The following MTMR2 variants were observed in gnomAD, a reference collection of about 807,000 sequenced individuals.
MTMR2 encodes phosphatidylinositol-3,5-bisphosphate 3-phosphatase MTMR2.
Under a neutral mutation model 86.9 loss-of-function variants are expected in MTMR2, and 55 were observed. The ratio of observed to expected loss-of-function variants is 0.63; its 90% CI spans 0.51 to 0.79. The LOEUF (loss-of-function observed/expected upper bound fraction) is 0.79, where lower values mean the gene tolerates loss of function less well. Among genes scored for constraint, MTMR2 ranks in the 30% least tolerant of loss-of-function variants. The probability of loss-of-function intolerance (pLI) is 0.00; values close to 1 mark genes in which losing one functional copy is unlikely to be tolerated. For synonymous variants in MTMR2, 241 were observed against 266.8 expected, an observed-to-expected ratio of 0.90 and a Z score of 0.94; for missense variants, 659 against 772.3, an observed-to-expected ratio of 0.85 and a Z score of 1.74.
intron 5 of MTMR2, among the ~76,000 whole-genome samples, chr11:95,861,209 A>G (rs548310610): frequency 6.6e-5 from 10 of 151,430 alleles, no homozygotes; most frequent in Non-Finnish European, 1.3e-4. Context: ...GTGATGATGA[A>G]TATAACATAT....
rs559016061 is a variant in MTMR2 at position 95,920,409 on chromosome 11, G to GT, written c.80+3465dup. 2.7e-3 allele frequency among the ~76,000 whole-genome samples: 417 copies of GT among 151,870 alleles called. 6 individuals are homozygous for GT. Among genetic ancestry groups the GT allele is most frequent in the African/African-American group, 9.7e-3 (402 of 41,400 alleles). ...TGCAACCTTGGCCTCCCAGGTTCAA[G>GT]TAATTCTGGTACCTCAGCCTCCCAA... On this transcript the variant is annotated intron_variant, in intron 1 of 14. Coordinates refer to ENST00000346299, the MANE Select transcript of MTMR2 (RefSeq NM_016156.6).
intron 2 of MTMR2, among the ~76,000 whole-genome samples, chr11:95,873,607 CTCTGA>C (rs964406297): frequency 3.6e-4 from 55 of 151,652 alleles, no homozygotes; most frequent in African/African-American, 1.3e-3. Context: ...TTCAGTTCTG[CTCTGA>C]TCTTAGTTAC....
At chr11:95,908,141 CAA>C (rs1453629650) in intron 1 of MTMR2, among the ~76,000 whole-genome samples, 1 of 151,926 alleles carries the variant, frequency 6.6e-6, no homozygotes, top group Non-Finnish European at 1.5e-5. Flanking sequence ...ACAACTTCAG[CAA>C]AGTTTCAGGA....
At chr11:95,838,817 C>T (rs1863411155) in intron 12 of MTMR2, among the ~76,000 whole-genome samples, 1 of 152,050 alleles carries the variant, frequency 6.6e-6, no homozygotes, top group Non-Finnish European at 1.5e-5. Flanking sequence ...CACTCTCTAA[C>T]CCAAGCCAGG....
At chr11:95,893,723 C>T (rs1451058934) in intron 1 of MTMR2, among the ~76,000 whole-genome samples, 2 of 152,136 alleles carry the variant, frequency 1.3e-5, no homozygotes, top group Admixed American at 1.3e-4. Flanking sequence ...CCATCCTCTT[C>T]TCCCACACAG....
Position 95,888,243 on chromosome 11 carries a change from T to G in MTMR2, c.99A>C (p.Ser33=). Residue 33 remains serine, a synonymous_variant, in exon 2 of 15, where the codon TCA becomes TCC. Coordinates refer to ENST00000346299, the MANE Select transcript of MTMR2 (RefSeq NM_016156.6). The part of the protein sequence containing the change: ...DSLSSASTSH[S]ENSVHTKSAS... ...CTGATTTTGTATGCACTGAATTCTC[T>G]GAATGAGAAGTGGAGGCACTACAAA... 1.9e-6 allele frequency: 3 copies of G among 1,613,370 alleles called. No homozygotes were observed. The highest frequency in any genetic ancestry group is 2.5e-6 in the Non-Finnish European group (3 of 1,179,512).
At chr11:95,837,331 T>C (rs1028836149) in intron 13 of MTMR2, among the ~76,000 whole-genome samples, 1 of 152,084 alleles carries the variant, frequency 6.6e-6, no homozygotes, top group African/African-American at 2.4e-5. Flanking sequence ...AGATCCAGGA[T>C]TTGAACCCAG....
chr11:95,850,831 A>G lies in MTMR2; in HGVS notation c.655-82T>C, dbSNP rs474442. ...ACCAGGACAGAAGCCATCCTGTTCA[A>G]TCTCTCTGACCTCTACTATCCATCT... On this transcript the variant is annotated intron_variant, in intron 7 of 14. Coordinates refer to ENST00000346299, the MANE Select transcript of MTMR2 (RefSeq NM_016156.6). The G allele has an allele frequency of 0.34, 455,678 of 1,331,400 alleles. 83,547 individuals are homozygous for G. Among genetic ancestry groups the G allele is most frequent in the Non-Finnish European group, 0.38 (359,927 of 935,096 alleles). 82.5% of individuals were successfully genotyped at this position (1,331,400 alleles called of 1,614,324 possible). A position where few individuals can be genotyped will look rare whatever the true frequency, so the allele number is the denominator to read the frequency against.
intron 2 of MTMR2, among the ~76,000 whole-genome samples, chr11:95,876,058 T>C (rs1330068734): frequency 6.6e-6 from 1 of 152,204 alleles, no homozygotes; most frequent in Non-Finnish European, 1.5e-5. Context: ...GAGACCCACT[T>C]GAGGAGGCAG....
rs1355794619 is a variant in MTMR2 at position 95,890,900 on chromosome 11, TAAATA to T, written c.81-2644_81-2640del. ...AAAATTAAATAAAATTAAAATTTTT[TAAATA>T]AAATAAATGAACTTAAATTTTTTAA... is the stretch of plus-strand genomic sequence containing the variant. On this transcript the variant is annotated intron_variant, in intron 1 of 14. Coordinates refer to ENST00000346299, the MANE Select transcript of MTMR2 (RefSeq NM_016156.6). Among the ~76,000 whole-genome samples the T allele has an allele frequency of 5.3e-5, 8 of 151,962 alleles. 1 individual carries two copies. Among genetic ancestry groups the T allele is most frequent in the African/African-American group, 1.9e-4 (8 of 41,374 alleles).
intron 13 of MTMR2, 97 bp downstream of exon 13, chr11:95,837,994 CAAA>C: frequency 2.5e-6 from 2 of 785,106 alleles, no homozygotes; most frequent in Non-Finnish European, 4.5e-6. Context: ...AAGTATGACC[CAAA>C]AGAATGACTT....
chr11:95,911,172 C>A (rs1004007692), intron 1 of MTMR2, among the ~76,000 whole-genome samples: 1 of 152,090 alleles, frequency 6.6e-6, no homozygotes, highest in Non-Finnish European at 1.5e-5. Flanking sequence ...AGCTCTGGGA[C>A]AGCCTTCCAA....
At position 95,924,021 on chromosome 11, in the gene MTMR2, A is replaced by T. The variant is rs923908953; in HGVS notation, c.-67T>A. ...CGCGGCTACAGGGCGGGAGAAGCGG[A>T]GGGCGGAGTGCTACGGACCGGGGCC... On this transcript the variant is annotated 5_prime_UTR_variant, in exon 1 of 15. Transcript: ENST00000346299. The T allele has an allele frequency of 4.4e-5, 68 of 1,539,442 alleles. No individual in the cohort carries two copies. Among genetic ancestry groups the T allele is most frequent in the South Asian group, 3.1e-4 (26 of 83,830 alleles).
At chr11:95,862,520 G>A (rs145685372) in intron 3 of MTMR2, among the ~76,000 whole-genome samples, 154 bp from the exon 4 acceptor site, 23 of 152,262 alleles carry the variant, frequency 1.5e-4, no homozygotes, top group African/African-American at 5.5e-4. Context: ...TACAACCCAA[G>A]CTTCCATCCT....
At chr11:95,907,759 A>G in intron 1 of MTMR2, 1 of 296,644 alleles carries the variant, frequency 3.4e-6, no homozygotes, top group South Asian at 2.9e-5. Flanking sequence ...CTGAAAATAT[A>G]AACCATATGA....
At chr11:95,880,912 T>C (rs752255475) in intron 2 of MTMR2, among the ~76,000 whole-genome samples, 15 of 152,058 alleles carry the variant, frequency 9.9e-5, no homozygotes, top group Non-Finnish European at 1.5e-4. Flanking sequence ...CATACGGAAT[T>C]TGTCACATAA....
At position 95,849,842 on chromosome 11, in the gene MTMR2, A is replaced by G. The variant is rs1057523668; in HGVS notation, c.825T>C (p.Pro275=). Residue 275 remains proline, a synonymous_variant, in exon 9 of 15, where the codon CCT becomes CCC. Coordinates refer to ENST00000346299, the MANE Select transcript of MTMR2 (RefSeq NM_016156.6). ...ACCGAGTGATTGTGGCTTGACTTTCAGGATGAATCCATGATAAAACCTTAA... is the reference window on the plus strand; with the variant it reads ...ACCGAGTGATTGTGGCTTGACTTTCGGGATGAATCCATGATAAAACCTTAA... The part of the protein sequence containing the change: ...GRIPVLSWIH[P]ESQATITRCS... 1.9e-6 allele frequency: 3 copies of G among 1,614,008 alleles called. No homozygotes were observed. The highest frequency in any genetic ancestry group is 2.5e-6 in the Non-Finnish European group (3 of 1,179,982).
rs2135657915 is a variant in MTMR2, at chr11:95,923,587, T to A, written c.80+288A>T. 3.7e-6 allele frequency: 4 copies of A among 1,086,468 alleles called. No individual in the cohort carries two copies. In the South Asian group the frequency reaches 8.3e-5, roughly 23 times the overall value. 67.3% of individuals were successfully genotyped at this position (1,086,468 alleles called of 1,614,324 possible). ...GTCTTAAAAAAGGTTTGAGAGGGAA[T>A]GAAAGACAGGAGAAAGTAATTAACT... On this transcript the variant is annotated intron_variant, in intron 1 of 14. Transcript: ENST00000346299.
intron 12 of MTMR2, among the ~76,000 whole-genome samples, chr11:95,839,141 C>T (rs530445046): frequency 1.4e-4 from 22 of 151,862 alleles, no homozygotes; most frequent in African/African-American, 5.1e-4. Context: ...AACAACTTTG[C>T]CTTAAAGTTT....
Sources: gnomAD v4.1 joint callset for allele counts (sites outside exome capture counted in the v4.1 genomes callset) on GRCh38, gnomAD v4.1.1 for gene constraint, MANE v1.5 for transcripts, NCBI Gene and HGNC (gene_info 2026-07-23, HGNC 2026-07-21) for gene names.